PDZRN3: variants seen among roughly 807,000 people sequenced by gnomAD.
PDZRN3 encodes the protein E3 ubiquitin-protein ligase PDZRN3.
A neutral mutation model predicts 85.7 loss-of-function variants in PDZRN3; 38 were observed. The observed-to-expected ratio is 0.44, with a 90% confidence interval of 0.34 to 0.58. PDZRN3 has a LOEUF of 0.58. Among genes scored for constraint, PDZRN3 ranks in the 20% least tolerant of loss-of-function variants. The pLI is 0.01. For synonymous variants in PDZRN3, 759 were observed against 638.0 expected (o/e 1.19, Z -2.86); for missense variants, 1,629 against 1,506.4 (o/e 1.08, Z -1.35).
At chr3:73,563,013 A>ATTTTTTTT (rs879510100) in intron 3 of PDZRN3, among the ~76,000 whole-genome samples, 1 of 43,780 alleles carries the variant, frequency 2.3e-5, no homozygotes, top group African/African-American at 1.0e-4. Context: ...ATATATATAT[A>ATTTTTTTT]TTTTTTTTTT....
At chr3:73,618,217 T>C (rs1400622206) in intron 1 of PDZRN3, among the ~76,000 whole-genome samples, 1 of 152,216 alleles carries the variant, frequency 6.6e-6, no homozygotes, top group African/African-American at 2.4e-5. Flanking sequence ...GAAAGAGTCA[T>C]GGGTAAGAGC....
At chr3:73,485,153 T>C (rs988575730) in intron 3 of PDZRN3, among the ~76,000 whole-genome samples, 2 of 152,042 alleles carry the variant, frequency 1.3e-5, no homozygotes, top group East Asian at 1.9e-4. Context: ...GGTGCAAAAA[T>C]AATTGCGGTT....
intron 5 of PDZRN3, among the ~76,000 whole-genome samples, chr3:73,394,672 T>C (rs1436829202): frequency 1.3e-5 from 2 of 152,222 alleles, no homozygotes; most frequent in Non-Finnish European, 2.9e-5. Flanking sequence ...TAATATTTCC[T>C]TGCCTTATCT....
chr3:73,417,716 A>G (rs145384708), intron 3 of PDZRN3, among the ~76,000 whole-genome samples: 10 of 152,354 alleles, frequency 6.6e-5, no homozygotes, highest in African/African-American at 1.9e-4. Context: ...CTTATGTGCA[A>G]TAATGAATCT....
chr3:73,415,715 AG>A (rs1335629058), intron 3 of PDZRN3, among the ~76,000 whole-genome samples: 2 of 152,184 alleles, frequency 1.3e-5, no homozygotes, highest in African/African-American at 4.8e-5. Flanking sequence ...AACATATTTA[AG>A]GGAGGCTAGG....
intron 3 of PDZRN3, among the ~76,000 whole-genome samples, chr3:73,502,568 C>A (rs1026311937): frequency 6.6e-6 from 1 of 152,196 alleles, no homozygotes; most frequent in African/African-American, 2.4e-5. Flanking sequence ...TCAACTCCCT[C>A]CCTTGCCTTA....
chr3:73,402,272 G>C (rs1701764371), intron 4 of PDZRN3, among the ~76,000 whole-genome samples: 1 of 152,236 alleles, frequency 6.6e-6, no homozygotes, highest in Non-Finnish European at 1.5e-5. Flanking sequence ...CAACATTTAA[G>C]AGTCAGAAGT....
chr3:73,571,431 T>G (rs1187602873), intron 3 of PDZRN3, among the ~76,000 whole-genome samples: 1 of 152,168 alleles, frequency 6.6e-6, no homozygotes, highest in East Asian at 1.9e-4. Flanking sequence ...AATGACTCTG[T>G]TTTCATTATA....
intron 3 of PDZRN3, among the ~76,000 whole-genome samples, chr3:73,459,001 AAAAAAAAG>A (rs962719437): frequency 9.9e-5 from 15 of 151,466 alleles, no homozygotes; most frequent in African/African-American, 2.2e-4. Flanking sequence ...CAAACAAAAA[AAAAAAAAG>A]AAAAAAAAGA....
intron 3 of PDZRN3, among the ~76,000 whole-genome samples, chr3:73,509,274 TG>T (rs1704121280): frequency 6.6e-6 from 1 of 152,152 alleles, no homozygotes; most frequent in South Asian, 2.1e-4. Context: ...GGAGATGGGA[TG>T]GTCTCAGGGC....
intron 3 of PDZRN3, among the ~76,000 whole-genome samples, chr3:73,574,525 C>G (rs1378281019): frequency 2.0e-5 from 3 of 151,726 alleles, no homozygotes; most frequent in Non-Finnish European, 4.4e-5. Flanking sequence ...CTGGTGCAAC[C>G]TCAGCTCACT....
intron 3 of PDZRN3, among the ~76,000 whole-genome samples, chr3:73,437,541 A>G (rs1373523756): frequency 1.3e-5 from 2 of 152,152 alleles, no homozygotes; most frequent in African/African-American, 4.8e-5. Context: ...TACTTTGGTG[A>G]GTCTGGTGTC....
At chr3:73,494,699 G>A (rs538030341) in intron 3 of PDZRN3, among the ~76,000 whole-genome samples, 36 of 152,270 alleles carry the variant, frequency 2.4e-4, no homozygotes, top group African/African-American at 8.7e-4. Context: ...AATTTATTAA[G>A]TAATTTTTGC....
chr3:73,486,982 A>C (rs1246750542), intron 3 of PDZRN3, among the ~76,000 whole-genome samples: 1 of 152,174 alleles, frequency 6.6e-6, no homozygotes, highest in East Asian at 1.9e-4. Context: ...GTTGGTGCCC[A>C]CTGTATTTTA....
intron 3 of PDZRN3, among the ~76,000 whole-genome samples, chr3:73,596,353 C>G (rs1426628715): frequency 6.6e-6 from 1 of 152,180 alleles, no homozygotes; most frequent in Non-Finnish European, 1.5e-5. Context: ...ATAACAGATT[C>G]AACCAAACAC....
chr3:73,553,904 C>A (rs1701626414), intron 3 of PDZRN3, among the ~76,000 whole-genome samples: 1 of 152,204 alleles, frequency 6.6e-6, no homozygotes, highest in Non-Finnish European at 1.5e-5. Flanking sequence ...GAAGTTCATG[C>A]TGGCCAGAGC....
rs138678546 is a variant in PDZRN3 at position 73,531,867 on chromosome 3, C to T, written c.918+70487G>A. ...ACCCAGCACATACATCTCCACCCAACGGAAGCAGCCACTTTCAGCCCCTGC... is the reference window on the plus strand; with the variant it reads ...ACCCAGCACATACATCTCCACCCAATGGAAGCAGCCACTTTCAGCCCCTGC... On this transcript the variant is annotated intron_variant, in intron 3 of 9. Coordinates refer to ENST00000263666, the MANE Select transcript of PDZRN3 (RefSeq NM_015009.3). Among the ~76,000 whole-genome samples, 422 of 152,334 alleles carry T rather than the reference C, an allele frequency of 2.8e-3. 1 individual carries two copies. In the East Asian group the frequency reaches 0.029, roughly 11 times the overall value.
At chr3:73,473,126 A>G (rs1428042152) in intron 3 of PDZRN3, among the ~76,000 whole-genome samples, 1 of 152,184 alleles carries the variant, frequency 6.6e-6, no homozygotes, top group East Asian at 1.9e-4. Context: ...TCTCTACTTA[A>G]TATCTCTTAT....
intron 4 of PDZRN3, among the ~76,000 whole-genome samples, chr3:73,403,036 C>CG (rs1559659071): frequency 6.6e-6 from 1 of 150,716 alleles, no homozygotes; most frequent in African/African-American, 2.5e-5. Context: ...CTCCGCCTCC[C>CG]GGGTTCACGC....
Sources: gnomAD v4.1 joint callset for allele counts (sites outside exome capture counted in the v4.1 genomes callset) on GRCh38, gnomAD v4.1.1 for gene constraint, MANE v1.5 for transcripts, NCBI Gene and HGNC (gene_info 2026-07-23, HGNC 2026-07-21) for gene names.